The following SERP2 variants were observed in gnomAD, a reference collection of about 807,000 sequenced individuals.
SERP2 encodes the protein stress associated endoplasmic reticulum protein family member 2.
SERP2 carries 6 observed loss-of-function variants against 9.1 expected under a neutral mutation model. That is an observed-to-expected ratio of 0.66 (90% CI 0.36 to 1.30). The LOEUF is 1.30. SERP2 is among the 50% of genes most tolerant of loss of function. The pLI is 0.03. For missense variants in SERP2, 58 were observed against 81.9 expected, an observed-to-expected ratio of 0.71 and a Z score of 1.13; for synonymous variants, 37 against 27.3, an observed-to-expected ratio of 1.35 and a Z score of -1.10.
chr13:44,384,815 C>T (rs375261097), intron 2 of SERP2, among the ~76,000 whole-genome samples: 48 of 152,268 alleles, frequency 3.2e-4, no homozygotes, highest in South Asian at 2.1e-4. Flanking sequence ...AGGAAAAAGG[C>T]GAAATCTTCT....
chr13:44,386,856 G>T (rs1872346148), intron 2 of SERP2, among the ~76,000 whole-genome samples: 1 of 152,130 alleles, frequency 6.6e-6, no homozygotes, highest in Admixed American at 6.5e-5. Flanking sequence ...GCCTCTACTT[G>T]ATCTACTAGG....
intron 1 of SERP2, 82 bp downstream of exon 1, chr13:44,374,191 T>A: frequency 2.4e-6 from 2 of 845,112 alleles, no homozygotes; most frequent in Non-Finnish European, 1.7e-6. Flanking sequence ...GCCGGGCGGG[T>A]AGCGGCGCAG....
chr13:44,395,855 C>T (rs1873071791), intron 2 of SERP2: 1 of 457,074 alleles, frequency 2.2e-6, no homozygotes, highest in Non-Finnish European at 4.4e-6. Context: ...TGTAGTAATA[C>T]AAGAGATGTG....
chr13:44,382,760 T>A (rs1872067684), intron 2 of SERP2, among the ~76,000 whole-genome samples: 2 of 152,290 alleles, frequency 1.3e-5, no homozygotes, highest in Admixed American at 1.3e-4. Context: ...ATTCAAGCAA[T>A]CATCATGTCT....
chr13:44,384,317 G>A (rs1254976626), intron 2 of SERP2, among the ~76,000 whole-genome samples: 1 of 152,006 alleles, frequency 6.6e-6, no homozygotes, highest in Non-Finnish European at 1.5e-5. Context: ...CCTGTTTTAG[G>A]GTCACAGGCC....
chr13:44,395,888 C>G (rs903612216), intron 2 of SERP2: 7 of 450,278 alleles, frequency 1.6e-5, no homozygotes, highest in Non-Finnish European at 2.7e-5. Context: ...AAGAAAGAGA[C>G]CCAAAAAATG....
At chr13:44,382,772 G>A (rs978844741) in intron 2 of SERP2, among the ~76,000 whole-genome samples, 1 of 152,194 alleles carries the variant, frequency 6.6e-6, no homozygotes, top group Non-Finnish European at 1.5e-5. Flanking sequence ...ATCATGTCTT[G>A]AGGGTCCCCT....
chr13:44,390,669 T>C (rs559902125), intron 2 of SERP2: 3 of 192,162 alleles, frequency 1.6e-5, no homozygotes, highest in East Asian at 3.1e-4. Context: ...TTAATGCGGA[T>C]AGAAAGCTTT....
rs917113582 is a variant in SERP2, at chr13:44,397,319, C to T, written c.*7C>T. ...CATAAGGATGGGCATGTGAGAAAGC[C>T]AGGGATTTGACACCACCTCCCTCCC... On this transcript the variant is annotated 3_prime_UTR_variant, in exon 3 of 3. Transcript: ENST00000379179. The T allele has an allele frequency of 3.1e-6, 5 of 1,611,112 alleles. No homozygotes were observed. Among genetic ancestry groups the T allele is most frequent in the African/African-American group, 1.3e-5 (1 of 74,840 alleles).
intron 1 of SERP2, among the ~76,000 whole-genome samples, chr13:44,379,359 T>C (rs539878502): frequency 8.5e-5 from 13 of 152,342 alleles, no homozygotes; most frequent in Non-Finnish European, 1.3e-4. Flanking sequence ...TAAATCGCCA[T>C]ATTGGTTTAT....
intron 1 of SERP2, among the ~76,000 whole-genome samples, chr13:44,374,409 T>C (rs1042858925): frequency 1.3e-5 from 2 of 152,192 alleles, no homozygotes; most frequent in Non-Finnish European, 2.9e-5. Flanking sequence ...CCTGTCCCCC[T>C]GCCCGGGAGA....
At position 44,397,546 on chromosome 13, in the gene SERP2, T is replaced by A; in HGVS notation, c.*234T>A. 1 of 570,500 alleles carries A rather than the reference T, an allele frequency of 1.8e-6. No homozygotes were observed. Among genetic ancestry groups the A allele is most frequent in the Admixed American group, 3.1e-5 (1 of 32,512 alleles). The allele number at this position is 570,500 out of a possible 1,614,324, so 35.3% of individuals were successfully genotyped here. On this transcript the variant is annotated 3_prime_UTR_variant, in exon 3 of 3. Transcript: ENST00000379179. ...ACATTTTGCTTTTCTGTTGGCAGGATTAGTAGCCACGCGGGTCGTCCGCAG... is the reference window on the plus strand; with the variant it reads ...ACATTTTGCTTTTCTGTTGGCAGGAATAGTAGCCACGCGGGTCGTCCGCAG...
rs1350986338 is a variant in SERP2, at chr13:44,397,345, A to C, written c.*33A>C. ...AGGGATTTGACACCACCTCCCTCCC[A>C]CTGGAGGCGGGAGGACAACGGAAGC... On this transcript the variant is annotated 3_prime_UTR_variant, in exon 3 of 3. Transcript: ENST00000379179. The C allele has an allele frequency of 6.5e-7, 1 of 1,539,462 alleles. No homozygotes were observed.
chr13:44,379,886 G>A (rs766950071), intron 2 of SERP2, among the ~76,000 whole-genome samples, 173 bp downstream of exon 2: 3 of 152,158 alleles, frequency 2.0e-5, no homozygotes, highest in Non-Finnish European at 4.4e-5. Context: ...CCAAATATAG[G>A]TAGAGACACA....
At chr13:44,377,395 G>A (rs1370242545) in intron 1 of SERP2, among the ~76,000 whole-genome samples, 1 of 152,238 alleles carries the variant, frequency 6.6e-6, no homozygotes, top group Non-Finnish European at 1.5e-5. Context: ...AAGTTCCTGG[G>A]AAGGTGGTGG....
chr13:44,383,556 T>G (rs1365524957), intron 2 of SERP2, among the ~76,000 whole-genome samples: 22 of 145,168 alleles, frequency 1.5e-4, no homozygotes, highest in Admixed American at 8.2e-4. Flanking sequence ...TTTTTTTGTT[T>G]TTTTTTTTTT....
At position 44,381,616 on chromosome 13, in the gene SERP2, T is replaced by C. The variant is rs891770939; in HGVS notation, c.157+1903T>C. ...GTGACCACCACAGAGGCAGTAGGAT[T>C]GTCACTGCCCTTGATTTTGCTCACC... On this transcript the variant is annotated intron_variant, in intron 2 of 2. Transcript: ENST00000379179. Among the ~76,000 whole-genome samples, 5 of 152,214 alleles carry C rather than the reference T, an allele frequency of 3.3e-5. No homozygotes were observed. In the East Asian group the frequency reaches 9.6e-4, roughly 29 times the overall value.
At chr13:44,389,319 G>A (rs151034158) in intron 2 of SERP2, among the ~76,000 whole-genome samples, 161 of 152,216 alleles carry the variant, frequency 1.1e-3, no homozygotes, top group African/African-American at 3.8e-3. Context: ...TACTTACACC[G>A]ACTCTAAGAC....
intron 1 of SERP2, among the ~76,000 whole-genome samples, chr13:44,377,839 A>T (rs1227779099): frequency 6.6e-6 from 1 of 152,226 alleles, no homozygotes; most frequent in Non-Finnish European, 1.5e-5. Context: ...TTGTTCTTTG[A>T]TGAACGTTTA....
Sources: allele counts gnomAD v4.1 joint callset (sites outside exome capture counted in the v4.1 genomes callset), GRCh38; gene constraint gnomAD v4.1.1; transcripts MANE v1.5; gene names NCBI Gene and HGNC (gene_info 2026-07-23, HGNC 2026-07-21).